CADPS2: variants seen among roughly 807,000 people sequenced by gnomAD.
CADPS2 encodes the protein calcium dependent secretion activator 2, also known as calcium-dependent secretion activator 2.
A neutral mutation model predicts 172.5 loss-of-function variants in CADPS2; 93 were observed. That is an observed-to-expected ratio of 0.54 (90% CI 0.46 to 0.64). The LOEUF (loss-of-function observed/expected upper bound fraction) is 0.64. CADPS2 is among the 30% of genes least tolerant of loss of function. The probability of loss-of-function intolerance (pLI) is 0.00; values close to 1 mark genes in which losing one functional copy is unlikely to be tolerated. For synonymous variants in CADPS2, 546 were observed against 555.2 expected (o/e 0.98, Z 0.23); for missense variants, 1,420 against 1,565.9 (o/e 0.91, Z 1.57).
chr7:122,704,305 T>G (rs1020629697), intron 2 of CADPS2, among the ~76,000 whole-genome samples: 26 of 152,080 alleles, frequency 1.7e-4, no homozygotes, highest in African/African-American at 6.0e-4. Context: ...CATGCAATTC[T>G]GTTGAAGCAT....
At chr7:122,481,835 ACT>A (rs752886519) in intron 11 of CADPS2, among the ~76,000 whole-genome samples, 2 of 152,052 alleles carry the variant, frequency 1.3e-5, no homozygotes, top group Admixed American at 6.6e-5. Flanking sequence ...ACATGGAGAA[ACT>A]CTGTCTCTAC....
At chr7:122,839,353 C>G (rs1809639942) in intron 1 of CADPS2, among the ~76,000 whole-genome samples, 1 of 152,098 alleles carries the variant, frequency 6.6e-6, no homozygotes, top group Non-Finnish European at 1.5e-5. Context: ...CAATACCATT[C>G]AGGACATAGG....
chr7:122,407,776 AT>A, intron 19 of CADPS2, 80 bp from the exon 20 acceptor site: 1 of 1,289,336 alleles, frequency 7.8e-7, no homozygotes, highest in Non-Finnish European at 1.1e-6. Context: ...AGTTGAAAAT[AT>A]TTTATAACAT....
chr7:122,813,244 A>G (rs570591854), intron 1 of CADPS2, among the ~76,000 whole-genome samples: 1 of 152,216 alleles, frequency 6.6e-6, no homozygotes, highest in East Asian at 1.9e-4. Context: ...CATTTTACAT[A>G]TTTTTCTTCT....
At chr7:122,705,748 A>ATATAATATAGCATATAT (rs2087040833) in intron 2 of CADPS2, among the ~76,000 whole-genome samples, 1 of 9,468 alleles carries the variant, frequency 1.1e-4, no homozygotes, top group African/African-American at 2.9e-4. Context: ...AATATATAAT[A>ATATAATATAGCATATAT]TATATAATAT....
Position 122,663,205 on chromosome 7 carries a change from CAG to C in CADPS2, c.786+30_786+31del. 4 of 1,457,434 alleles carry C rather than the reference CAG, an allele frequency of 2.7e-6. No individual in the cohort carries two copies. In the South Asian group the frequency reaches 3.6e-5, roughly 13 times the overall value. The allele number at this position is 1,457,434 out of a possible 1,614,324, so 90.3% of individuals were successfully genotyped here. ...CTTCATGTTCATTCCACGAGTCAGA[CAG>C]GGGAAGGGAAAATATCAGAGACCAC... On this transcript the variant is annotated intron_variant, in intron 3 of 29. Coordinates refer to ENST00000449022, the MANE Select transcript of CADPS2 (RefSeq NM_017954.11).
At chr7:122,855,147 C>A (rs758867530) in intron 1 of CADPS2, among the ~76,000 whole-genome samples, 1 of 152,078 alleles carries the variant, frequency 6.6e-6, no homozygotes, top group Non-Finnish European at 1.5e-5. Context: ...AAAGCAAGAC[C>A]CTAGAAAAGA....
rs770936589 is a variant in CADPS2 at position 122,513,268 on chromosome 7, C to T, written c.1523G>A (p.Arg508His). The T allele has an allele frequency of 5.5e-5, 86 of 1,561,984 alleles. 1 individual carries two copies. Among genetic ancestry groups the T allele is most frequent in the African/African-American group, 6.8e-5 (5 of 73,786 alleles). Residue 508 changes from arginine to histidine, a missense_variant, in exon 9 of 30, where the codon CGT becomes CAT. Coordinates refer to ENST00000449022, the MANE Select transcript of CADPS2 (RefSeq NM_017954.11). ...ACTAACCTGAACTAGAACAAAGTAACGTTTTTTCCATCTTTTCCAAACCTT... is the reference window on the plus strand; with the variant it reads ...ACTAACCTGAACTAGAACAAAGTAATGTTTTTTCCATCTTTTCCAAACCTT... Reference protein sequence around the residue: ...GQKVWKRWKKRYFVLVQVSQY... With the variant: ...GQKVWKRWKKHYFVLVQVSQY...
chr7:122,733,436 C>A, intron 2 of CADPS2, among the ~76,000 whole-genome samples: 1 of 151,372 alleles, frequency 6.6e-6, no homozygotes, highest in East Asian at 1.9e-4. Flanking sequence ...AACATACATT[C>A]TAGAAGTTAT....
At position 122,553,044 on chromosome 7, in the gene CADPS2, T is replaced by C. The variant is rs117657596; in HGVS notation, c.1475+1506A>G. Among the ~76,000 whole-genome samples the C allele has an allele frequency of 3.4e-3, 518 of 152,220 alleles. 1 individual carries two copies. The highest frequency in any genetic ancestry group is 6.0e-3 in the Non-Finnish European group (411 of 68,004). On this transcript the variant is annotated intron_variant, in intron 8 of 29. Coordinates refer to ENST00000449022, the MANE Select transcript of CADPS2 (RefSeq NM_017954.11). ...TGTCATGTAGCTGGAATGCCAGTTC[T>C]CCCACTGTCTACCTGATAAATTTAT...
chr7:122,608,201 C>A (rs1191797889), intron 6 of CADPS2, among the ~76,000 whole-genome samples: 1 of 135,962 alleles, frequency 7.4e-6, no homozygotes, highest in Non-Finnish European at 1.5e-5. Context: ...GGTGACAGAG[C>A]GAGACTCCGT....
chr7:122,414,372 G>T (rs924736293), intron 18 of CADPS2, among the ~76,000 whole-genome samples: 2 of 152,040 alleles, frequency 1.3e-5, no homozygotes. Context: ...GAGAATAAAA[G>T]ATATACCTGT....
At chr7:122,496,467 T>G (rs1377133660) in intron 9 of CADPS2, among the ~76,000 whole-genome samples, 2 of 152,150 alleles carry the variant, frequency 1.3e-5, no homozygotes, top group Non-Finnish European at 2.9e-5. Context: ...TGGCCTTGAT[T>G]GTTTTTTTAA....
At position 122,471,561 on chromosome 7, in the gene CADPS2, C is replaced by G; in HGVS notation, c.2000G>C (p.Gly667Ala). ...HRLNDSYSCL[G>A]WFSPGQVFVL... ...AAAGACTTGGCCAGGGCTAAACCAT[C>G]CCTGCAAAATAAAAAAAGAATAGAT... Residue 667 changes from glycine (G) to alanine (A), a missense_variant and splice_region_variant, in exon 14 of 30, where the codon GGA becomes GCA. Transcript: ENST00000449022. The G allele has an allele frequency of 6.4e-7, 1 of 1,569,382 alleles. No homozygotes were observed. The highest frequency in any genetic ancestry group is 8.6e-7 in the Non-Finnish European group (1 of 1,160,020).
intron 1 of CADPS2, among the ~76,000 whole-genome samples, chr7:122,747,078 T>C (rs529913215): frequency 6.6e-6 from 1 of 152,056 alleles, no homozygotes; most frequent in African/African-American, 2.4e-5. Context: ...TTATCACAAA[T>C]AGCAGCCTGA....
chr7:122,518,885 G>A (rs1231778914), intron 8 of CADPS2, among the ~76,000 whole-genome samples: 2 of 152,030 alleles, frequency 1.3e-5, no homozygotes, highest in Admixed American at 1.3e-4. Context: ...AAAGAGGAAA[G>A]CAGATTTTGT....
intron 13 of CADPS2, among the ~76,000 whole-genome samples, chr7:122,472,609 G>A (rs536428212): frequency 2.0e-5 from 3 of 152,218 alleles, no homozygotes; most frequent in East Asian, 1.9e-4. Context: ...ATATTACACT[G>A]GCGGTCAACA....
At chr7:122,371,999 A>C (rs1329689738) in intron 25 of CADPS2, among the ~76,000 whole-genome samples, 1 of 152,178 alleles carries the variant, frequency 6.6e-6, no homozygotes, top group Non-Finnish European at 1.5e-5. Context: ...CAATAATAAC[A>C]ATATCAACTA....
At chr7:122,702,422 C>T (rs138600624) in intron 2 of CADPS2, 4 of 1,613,756 alleles carry the variant, frequency 2.5e-6, no homozygotes, top group East Asian at 2.2e-5. Context: ...TGTAAAAGTA[C>T]AGCCTCCACG....
Sources: allele counts gnomAD v4.1 joint callset (sites outside exome capture counted in the v4.1 genomes callset), GRCh38; gene constraint gnomAD v4.1.1; transcripts MANE v1.5; gene names NCBI Gene and HGNC (gene_info 2026-07-23, HGNC 2026-07-21).